The following HNF4G variants were observed in gnomAD, a reference collection of about 807,000 sequenced individuals.
The protein encoded by HNF4G is hepatocyte nuclear factor 4 gamma.
HNF4G carries 21 observed loss-of-function variants against 50.9 expected under a neutral mutation model. That is an observed-to-expected ratio of 0.41 (90% CI 0.29 to 0.59). The LOEUF (loss-of-function observed/expected upper bound fraction) is 0.59, where lower values mean the gene tolerates loss of function less well. Among genes scored for constraint, HNF4G ranks in the 20% least tolerant of loss-of-function variants. HNF4G has a pLI of 0.26. For missense variants in HNF4G, 527 were observed against 559.4 expected, an observed-to-expected ratio of 0.94 and a Z score of 0.58; for synonymous variants, 198 against 185.6, an observed-to-expected ratio of 1.07 and a Z score of -0.54.
chr8:75,474,390 C>T (rs899372933), intron 1 of HNF4G, among the ~76,000 whole-genome samples: 2 of 152,056 alleles, frequency 1.3e-5, no homozygotes, highest in Non-Finnish European at 2.9e-5. Context: ...TAATATACTA[C>T]CATTACTTGA....
Position 75,564,435 on chromosome 8 carries a change from G to A in HNF4G, c.*339G>A, listed in dbSNP as rs2941477. On this transcript the variant is annotated 3_prime_UTR_variant, in exon 10 of 10. Transcript: ENST00000396423. The stretch of plus-strand genomic sequence containing the variant: ...AATCTGTAAATAATTGCTTTATTGT[G>A]ATGTGATACAGAACAAAGTGTTCGT... 89,992 of 170,108 alleles carry A rather than the reference G, an allele frequency of 0.53. 25,015 individuals are homozygous for A. The highest frequency in any genetic ancestry group is 0.72 in the African/African-American group (30,351 of 42,118). 10.5% of individuals were successfully genotyped at this position (170,108 alleles called of 1,614,324 possible).
At chr8:75,562,246 T>C (rs777260119) in intron 9 of HNF4G, among the ~76,000 whole-genome samples, 5 of 152,138 alleles carry the variant, frequency 3.3e-5, no homozygotes, top group South Asian at 2.1e-4. Context: ...CGTGCTACCA[T>C]GCCATCTTTT....
chr8:75,437,022 C>G (rs539776468), intron 1 of HNF4G, among the ~76,000 whole-genome samples: 2 of 152,112 alleles, frequency 1.3e-5, no homozygotes, highest in Non-Finnish European at 2.9e-5. Flanking sequence ...TCAGCCTGGG[C>G]TGAGCATCAG....
rs73690963 is a variant in HNF4G, at chr8:75,550,747, C to T, written c.383-641C>T. On this transcript the variant is annotated intron_variant, in intron 3 of 9. Transcript: ENST00000396423. ...AGTAAAGAAGCAGATCTAGCTTTCT[C>T]TTAGAAACCTGTATAATATATAGGA... Among the ~76,000 whole-genome samples the T allele has an allele frequency of 0.015, 2,248 of 150,464 alleles. 84 individuals carry two copies. The East Asian group carries it at 0.15, about 10-fold the overall frequency.
chr8:75,544,496 T>C (rs920050818), intron 2 of HNF4G, among the ~76,000 whole-genome samples: 1 of 152,210 alleles, frequency 6.6e-6, no homozygotes, highest in Non-Finnish European at 1.5e-5. Context: ...TTTGGTAGTT[T>C]GTTGATATCA....
chr8:75,535,036 T>A (rs926425500), upstream of HNF4G, among the ~76,000 whole-genome samples: 1 of 151,748 alleles, frequency 6.6e-6, no homozygotes, highest in Non-Finnish European at 1.5e-5. Context: ...ATTGCATAGA[T>A]CTAAACTGAA....
At chr8:75,414,769 T>C (rs907222891) in intron 1 of HNF4G, among the ~76,000 whole-genome samples, 1 of 152,270 alleles carries the variant, frequency 6.6e-6, no homozygotes, top group Non-Finnish European at 1.5e-5. Flanking sequence ...GTTGTATAGA[T>C]ATTCTGCAAT....
intron 8 of HNF4G, among the ~76,000 whole-genome samples, 178 bp downstream of exon 8, chr8:75,559,215 A>C (rs1235118866): frequency 6.6e-6 from 1 of 151,918 alleles, no homozygotes; most frequent in African/African-American, 2.4e-5. Flanking sequence ...AAAATTTGCA[A>C]GACCCATCAG....
chr8:75,546,047 A>T (rs537565370), intron 2 of HNF4G, among the ~76,000 whole-genome samples: 2 of 152,208 alleles, frequency 1.3e-5, no homozygotes, highest in African/African-American at 4.8e-5. Flanking sequence ...TTTTAAGTGG[A>T]CACCGATAGT....
intron 1 of HNF4G, among the ~76,000 whole-genome samples, chr8:75,456,339 G>A (rs1395795889): frequency 2.6e-5 from 4 of 152,172 alleles, no homozygotes; most frequent in Admixed American, 6.5e-5. Flanking sequence ...GGCCTGAGAT[G>A]TAACACAGTT....
chr8:75,522,852 A>G (rs1806081738), intron 2 of HNF4G, among the ~76,000 whole-genome samples: 1 of 152,174 alleles, frequency 6.6e-6, no homozygotes, highest in Admixed American at 6.5e-5. Context: ...TATAATGGAA[A>G]TGCTCTCACT....
At chr8:75,456,037 C>T (rs759069004) in intron 1 of HNF4G, among the ~76,000 whole-genome samples, 2 of 151,992 alleles carry the variant, frequency 1.3e-5, no homozygotes, top group Non-Finnish European at 2.9e-5. Flanking sequence ...TTTGACTAAG[C>T]GGTTATGAGA....
intron 1 of HNF4G, among the ~76,000 whole-genome samples, chr8:75,480,109 G>A (rs941956343): frequency 2.6e-5 from 4 of 151,916 alleles, no homozygotes; most frequent in Admixed American, 1.3e-4. Context: ...GCTTATCTAT[G>A]TGCTATACCT....
chr8:75,542,261 C>T (rs985839110), intron 1 of HNF4G, among the ~76,000 whole-genome samples: 1 of 151,982 alleles, frequency 6.6e-6, no homozygotes, highest in African/African-American at 2.4e-5. Flanking sequence ...GCTAGGACTG[C>T]ACCACTGCAG....
chr8:75,558,868 G>T lies in HNF4G; in HGVS notation c.954G>T (p.Glu318Asp). 6.2e-7 allele frequency: 1 copy of T among 1,614,108 alleles called. No individual in the cohort carries two copies. ...NMRFQVQIGL[E>D]DYINDRQYDS... ...GGTTCCAAGTGCAGATCGGTTTGGA[G>T]GACTACATCAATGATCGGCAGTATG... Residue 318 changes from glutamate to aspartate, a missense_variant, in exon 8 of 10, where the codon GAG becomes GAT. Transcript: ENST00000396423.
intron 2 of HNF4G, 49 bp downstream of exon 2, chr8:75,544,028 T>C: frequency 6.8e-7 from 1 of 1,479,382 alleles, no homozygotes; most frequent in Non-Finnish European, 9.1e-7. Context: ...ATGTTTCAGT[T>C]TGGCACGCAA....
chr8:75,424,530 C>A (rs1475073142), intron 1 of HNF4G, among the ~76,000 whole-genome samples: 2 of 152,146 alleles, frequency 1.3e-5, no homozygotes, highest in Non-Finnish European at 2.9e-5. Flanking sequence ...TCAGCTCTTG[C>A]CCCTTTCTCT....
chr8:75,564,091 T>G lies in HNF4G; in HGVS notation c.1363T>G (p.Leu455Val). 1 of 1,613,220 alleles carries G rather than the reference T, an allele frequency of 6.2e-7. No homozygotes were observed. The highest frequency in any genetic ancestry group is 8.5e-7 in the Non-Finnish European group (1 of 1,179,446). Reference protein sequence around the residue: ...SHQHLSKQKQL With the variant: ...SHQHLSKQKQV ...CCAGCATCTCTCCAAACAAAAGCAA[T>G]TGTGAAAATGTGTTTACTTCAGAAC... Residue 455 changes from leucine to valine, a missense_variant, in exon 10 of 10, where the codon TTG becomes GTG. This residue lies in a region of HNF4G where 308 missense variants were observed against 301.5 expected (regional missense o/e 1.02). Coordinates refer to ENST00000396423, the MANE Select transcript of HNF4G (RefSeq NM_004133.5).
chr8:75,450,366 A>G (rs1419540811), intron 1 of HNF4G, among the ~76,000 whole-genome samples: 1 of 152,184 alleles, frequency 6.6e-6, no homozygotes. Flanking sequence ...AATCAGAAAA[A>G]TAATAAAACA....
Sources: allele counts gnomAD v4.1 joint callset (sites outside exome capture counted in the v4.1 genomes callset), GRCh38; gene constraint gnomAD v4.1.1; regional missense constraint gnomAD v4.1.1; transcripts MANE v1.5; gene names NCBI Gene and HGNC (gene_info 2026-07-23, HGNC 2026-07-21).